The following UCK1 variants were observed in gnomAD, a reference collection of about 807,000 sequenced individuals.
UCK1 encodes the protein uridine-cytidine kinase 1.
A neutral mutation model predicts 34.0 loss-of-function variants in UCK1; 20 were observed. That is an observed-to-expected ratio of 0.59 (90% CI 0.41 to 0.86). The LOEUF (loss-of-function observed/expected upper bound fraction) is 0.86. Among genes scored for constraint, UCK1 ranks in the 40% least tolerant of loss-of-function variants. The pLI, the probability that UCK1 is intolerant of heterozygous loss-of-function variation, is 0.00. For missense variants in UCK1, 343 were observed against 383.6 expected (o/e 0.89, Z 0.88); for synonymous variants, 168 against 155.9 (o/e 1.08, Z -0.58).
In UCK1 at chr9:131,528,961, C is replaced by T. The variant is rs745352949; in HGVS notation, c.586G>A (p.Glu196Lys). 4 of 1,614,036 alleles carry T rather than the reference C, an allele frequency of 2.5e-6. No homozygotes were observed. In the South Asian group the frequency reaches 3.3e-5, roughly 13 times the overall value. Residue 196 changes from glutamate to lysine, a missense_variant, in exon 5 of 7, where the codon GAG (glutamate) becomes AAG (lysine). By Grantham distance (56) the Glu-to-Lys change is moderately conservative (BLOSUM62 1). Coordinates refer to ENST00000372215, the MANE Select transcript of UCK1 (RefSeq NM_031432.5). ...ACAGGTACCGGCAGGCAGAACTCCT[C>T]GAAGGCCGGCTTCACGAAGGTGGTG... ...QYTTFVKPAF[E>K]EFCLPTKKYA...
At chr9:131,527,197 C>T (rs886276414) in intron 5 of UCK1, among the ~76,000 whole-genome samples, 4 of 149,328 alleles carry the variant, frequency 2.7e-5, no homozygotes, top group African/African-American at 7.4e-5. Context: ...CGTGGTGGTG[C>T]GTGCCTGTAG....
intron 6 of UCK1, among the ~76,000 whole-genome samples, chr9:131,525,510 A>T (rs1477702948): frequency 6.6e-6 from 1 of 152,340 alleles, no homozygotes; most frequent in East Asian, 1.9e-4. Context: ...ACAGGTTCTT[A>T]CTTTACTGCC....
Position 131,531,084 on chromosome 9 carries a change from C to T in UCK1, c.91G>A (p.Gly31Ser), listed in dbSNP as rs1334833663. The T allele has an allele frequency of 1.4e-6, 2 of 1,421,598 alleles. No individual in the cohort carries two copies. Among genetic ancestry groups the T allele is most frequent in the Non-Finnish European group, 1.8e-6 (2 of 1,089,912 alleles). 88.1% of individuals were successfully genotyped at this position (1,421,598 alleles called of 1,614,324 possible). A position where few individuals can be genotyped will look rare whatever the true frequency, so the allele number is the denominator to read the frequency against. Reference protein sequence around the residue: ...QRPFLIGVSGGTASGKSTVCE... With the variant: ...QRPFLIGVSGSTASGKSTVCE... Reference sequence around the variant, plus strand: ...CCCCTTACCTTCCCGCTGGCAGTGCCGCCGCTCACCCCTATCAGGAAGGGC... The same window carrying T: ...CCCCTTACCTTCCCGCTGGCAGTGCTGCCGCTCACCCCTATCAGGAAGGGC... Residue 31 changes from glycine to serine, a missense_variant, in exon 1 of 7, where the codon GGC becomes AGC. Gly to Ser is a moderately conservative substitution (Grantham distance 56). Transcript: ENST00000372215.
rs754228086 is a variant in UCK1, at chr9:131,525,130, G to A, written c.744C>T (p.Tyr248=). The change falls in exon 7 of 7, where the codon TAC becomes TAT. Residue 248 remains tyrosine, a synonymous_variant. Coordinates refer to ENST00000372215, the MANE Select transcript of UCK1 (RefSeq NM_031432.5). ...CCCCTGGCTCAGAAAAGGTCCGCTT[G>A]TAGCTCCGCCCATTGGACCCTCCTC... The part of the protein sequence containing the change: ...WHRGGSNGRS[Y]KRTFSEPGDH... 1.2e-5 allele frequency: 20 copies of A among 1,613,986 alleles called. No individual in the cohort carries two copies. The highest frequency in any genetic ancestry group is 1.7e-5 in the Admixed American group (1 of 60,006).
At chr9:131,527,035 G>T (rs1950633114) in intron 5 of UCK1, among the ~76,000 whole-genome samples, 1 of 152,162 alleles carries the variant, frequency 6.6e-6, no homozygotes. Flanking sequence ...GGTGGGGCTG[G>T]GGCCGGGTGC....
At chr9:131,530,259 T>C (rs974166996) in intron 2 of UCK1, among the ~76,000 whole-genome samples, 2 of 152,014 alleles carry the variant, frequency 1.3e-5, no homozygotes, top group African/African-American at 2.4e-5. Context: ...GCAACAGGCT[T>C]CCTGACTGGC....
intron 5 of UCK1, chr9:131,526,564 C>T (rs998119098): frequency 4.7e-5 from 60 of 1,270,226 alleles, no homozygotes; most frequent in East Asian, 5.6e-5. Flanking sequence ...GGGGAGGGTC[C>T]GCAGCCAGAT....
At chr9:131,528,466 G>C (rs1196787475) in intron 5 of UCK1, among the ~76,000 whole-genome samples, 1 of 152,192 alleles carries the variant, frequency 6.6e-6, no homozygotes, top group Non-Finnish European at 1.5e-5. Context: ...AGCAGCCTGG[G>C]GTCACAGACC....
At position 131,525,099 on chromosome 9, in the gene UCK1, G is replaced by A. The variant is rs1564403620; in HGVS notation, c.775C>T (p.Pro259Ser). 8 of 1,613,800 alleles carry A rather than the reference G, an allele frequency of 5.0e-6. No homozygotes were observed. Among genetic ancestry groups the A allele is most frequent in the Non-Finnish European group, 6.8e-6 (8 of 1,180,014 alleles). ...CGTTTGCCAGAGGTCAGCATCCCAG[G>A]GTGGTCCCCTGGCTCAGAAAAGGTC... ...KRTFSEPGDHPGMLTSGKRSH... is the reference protein window; with the variant it reads ...KRTFSEPGDHSGMLTSGKRSH... Residue 259 changes from proline (P) to serine (S), a missense_variant, in exon 7 of 7, where the codon CCT becomes TCT. Transcript: ENST00000372215.
chr9:131,527,769 C>T (rs894674653), intron 5 of UCK1, among the ~76,000 whole-genome samples: 2 of 151,984 alleles, frequency 1.3e-5, no homozygotes, highest in Admixed American at 6.6e-5. Context: ...CCCAGCTACT[C>T]GGGTTGCTGA....
At chr9:131,530,833 G>T (rs1588540906) in intron 1 of UCK1, 188 bp from the exon 2 acceptor site, 1 of 1,138,670 alleles carries the variant, frequency 8.8e-7, no homozygotes, top group East Asian at 2.6e-5. Flanking sequence ...ACGGACTTGG[G>T]GCTCCGAGGA....
intron 6 of UCK1, 55 bp from the exon 7 acceptor site, chr9:131,525,276 C>T (rs1032172757): frequency 7.2e-5 from 116 of 1,606,762 alleles, no homozygotes; most frequent in Middle Eastern, 6.7e-4. Context: ...TCCGTGGAGA[C>T]CGCCCCTCCC....
chr9:131,529,967 A>C (rs1251956810), intron 2 of UCK1, among the ~76,000 whole-genome samples: 1 of 151,460 alleles, frequency 6.6e-6, no homozygotes, highest in Non-Finnish European at 1.5e-5. Context: ...CCTTGGGAAA[A>C]GGCTGACCAT....
intron 5 of UCK1, among the ~76,000 whole-genome samples, chr9:131,526,686 T>C (rs1054906514): frequency 1.2e-4 from 19 of 152,134 alleles, no homozygotes; most frequent in African/African-American, 4.3e-4. Context: ...AGGACGGAAC[T>C]TGGAACGGTG....
At chr9:131,526,008 A>T in intron 5 of UCK1, 31 bp from the exon 6 acceptor site, 1 of 1,613,580 alleles carries the variant, frequency 6.2e-7, no homozygotes, top group Non-Finnish European at 8.5e-7. Context: ...TGTTCCTGTG[A>T]GGACTTTTCC....
intron 5 of UCK1, 121 bp from the exon 6 acceptor site, chr9:131,526,098 T>A: frequency 1.8e-6 from 2 of 1,127,106 alleles, no homozygotes; most frequent in Non-Finnish European, 2.7e-6. Context: ...GGTGCTGGTG[T>A]CATCGGCAAA....
At chr9:131,528,173 C>A (rs1200747725) in intron 5 of UCK1, among the ~76,000 whole-genome samples, 19 of 146,944 alleles carry the variant, frequency 1.3e-4, no homozygotes, top group African/African-American at 1.2e-4. Flanking sequence ...GACCCTATCT[C>A]AAAAAAAAAA....
At chr9:131,530,365 G>T in intron 2 of UCK1, 121 bp downstream of exon 2, 1 of 1,203,468 alleles carries the variant, frequency 8.3e-7, no homozygotes, top group Non-Finnish European at 1.2e-6. Context: ...AGGCTGCGTG[G>T]CGAGTTGGGG....
In UCK1 at chr9:131,530,549, T is replaced by C. The variant is rs751722851; in HGVS notation, c.205A>G (p.Lys69Glu). The C allele has an allele frequency of 6.8e-6, 11 of 1,614,130 alleles. No homozygotes were observed. The highest frequency in any genetic ancestry group is 1.3e-5 in the African/African-American group (1 of 74,952). ...GCCTTCTGCTCTGCCGTCAGGACCT[T>C]GTAGAACCTGTCCTGGCTCAGGATG... ...VVILSQDRFY[K>E]VLTAEQKAKA... is the part of the protein sequence containing the mutation. Residue 69 changes from lysine to glutamate, a missense_variant, in exon 2 of 7, where the codon AAG becomes GAG. Physicochemically the swap from Lys to Glu is moderately conservative, Grantham distance 56. Transcript: ENST00000372215.
Sources: allele counts gnomAD v4.1 joint callset (sites outside exome capture counted in the v4.1 genomes callset), GRCh38; gene constraint gnomAD v4.1.1; transcripts MANE v1.5; gene names NCBI Gene and HGNC (gene_info 2026-07-23, HGNC 2026-07-21).